IGF2R: variants seen among roughly 807,000 people sequenced by gnomAD.
IGF2R encodes the protein insulin like growth factor 2 receptor.
IGF2R carries 91 observed loss-of-function variants against 270.6 expected under a neutral mutation model. The ratio of observed to expected loss-of-function variants is 0.34; its 90% CI spans 0.28 to 0.40. The LOEUF (loss-of-function observed/expected upper bound fraction) is 0.40, where lower values mean the gene tolerates loss of function less well. Among genes scored for constraint, IGF2R ranks in the 10% least tolerant of loss-of-function variants. IGF2R has a pLI of 1.00. For synonymous variants in IGF2R, 1,316 were observed against 1,258.9 expected (o/e 1.05, Z -0.96); for missense variants, 2,805 against 3,188.3 (o/e 0.88, Z 2.90).
At chr6:160,064,631 C>A in intron 28 of IGF2R, 100 bp downstream of exon 28, 2 of 1,351,614 alleles carry the variant, frequency 1.5e-6, no homozygotes, top group South Asian at 2.5e-5. Flanking sequence ...ATCAAATCTC[C>A]TGGTTAACTG....
At chr6:160,104,598 C>G in intron 47 of IGF2R, 76 bp from the exon 48 acceptor site, 1 of 1,479,518 alleles carries the variant, frequency 6.8e-7, no homozygotes, top group Non-Finnish European at 9.2e-7. Context: ...AGAGAGCATC[C>G]CTGATGTGGT....
chr6:159,977,325 G>A (rs543573213), intron 1 of IGF2R, among the ~76,000 whole-genome samples: 2 of 152,218 alleles, frequency 1.3e-5, no homozygotes, highest in African/African-American at 2.4e-5. Context: ...GTCTCCACCC[G>A]ACCTTGGCTG....
chr6:160,030,972 G>C (rs768185750), intron 7 of IGF2R, among the ~76,000 whole-genome samples: 24 of 152,134 alleles, frequency 1.6e-4, no homozygotes, highest in Non-Finnish European at 3.5e-4. Context: ...CTTCTGAGTA[G>C]CTGGGACTAC....
intron 1 of IGF2R, among the ~76,000 whole-genome samples, chr6:159,971,730 C>T (rs1412408048): frequency 6.6e-6 from 1 of 152,234 alleles, no homozygotes; most frequent in Non-Finnish European, 1.5e-5. Context: ...TCACTACAGT[C>T]GTGAACTCCT....
At chr6:159,994,076 C>T (rs1391689643) in intron 2 of IGF2R, among the ~76,000 whole-genome samples, 1 of 138,226 alleles carries the variant, frequency 7.2e-6, no homozygotes, top group African/African-American at 2.7e-5. Flanking sequence ...GGCTCTCAAT[C>T]TGTCTGGTCC....
At chr6:160,093,664 T>G (rs1779282064) in intron 44 of IGF2R, 2 of 748,790 alleles carry the variant, frequency 2.7e-6, no homozygotes, top group East Asian at 4.9e-5. Context: ...TCCTGCAAAC[T>G]CTGGCTCATT....
intron 2 of IGF2R, among the ~76,000 whole-genome samples, chr6:159,999,460 C>T (rs908357959): frequency 2.0e-5 from 3 of 152,156 alleles, no homozygotes; most frequent in African/African-American, 7.2e-5. Context: ...CCTGTGTACT[C>T]ACTCAGGGCT....
At chr6:159,978,428 G>A (rs1234235619) in intron 1 of IGF2R, among the ~76,000 whole-genome samples, 1 of 152,078 alleles carries the variant, frequency 6.6e-6, no homozygotes, top group Non-Finnish European at 1.5e-5. Context: ...GGGGGCTGTC[G>A]TGGTTCCAGG....
Position 160,073,800 on chromosome 6 carries a change from C to T in IGF2R, c.4991C>T (p.Ser1664Phe). The change falls in exon 35 of 48, where the codon TCT becomes TTT. Residue 1664 changes from serine (S) to phenylalanine (F), a missense_variant. Physicochemically the swap from Ser to Phe is radical, Grantham distance 155 (BLOSUM62 -2). Coordinates refer to ENST00000356956, the MANE Select transcript of IGF2R (RefSeq NM_000876.4). ...AATGGAAGCTCTATTGTTGACTTGTCTCCCCTTATTCATCGCACTGGTGGT... is the reference window on the plus strand; with the variant it reads ...AATGGAAGCTCTATTGTTGACTTGTTTCCCCTTATTCATCGCACTGGTGGT... ...VRNGSSIVDLSPLIHRTGGYE... is the reference protein window; with the variant it reads ...VRNGSSIVDLFPLIHRTGGYE... 1.2e-6 allele frequency: 2 copies of T among 1,614,136 alleles called. No homozygotes were observed. Among genetic ancestry groups the T allele is most frequent in the South Asian group, 1.1e-5 (1 of 91,088 alleles).
intron 29 of IGF2R, among the ~76,000 whole-genome samples, chr6:160,065,984 AC>A (rs1272362361): frequency 7.1e-6 from 1 of 141,508 alleles, no homozygotes; most frequent in Non-Finnish European, 1.5e-5. Flanking sequence ...GATTACAGAC[AC>A]CACCATGCCT....
chr6:159,972,499 T>G (rs928668866), intron 1 of IGF2R, among the ~76,000 whole-genome samples: 3 of 152,214 alleles, frequency 2.0e-5, no homozygotes, highest in African/African-American at 7.2e-5. Context: ...TCTCATTGTC[T>G]CTAAAAGATG....
At chr6:160,078,469 T>G (rs1583295710) in intron 37 of IGF2R, 107 bp downstream of exon 37, 1 of 1,060,520 alleles carries the variant, frequency 9.4e-7, no homozygotes, top group Non-Finnish European at 1.4e-6. Flanking sequence ...GCTGAGAGGG[T>G]GTATGTGGCC....
Position 160,109,848 on chromosome 6 carries a change from A to T in IGF2R, c.*4764A>T, listed in dbSNP as rs1212665016. 3.9e-5 allele frequency: 6 copies of T among 152,142 alleles called. No homozygotes were observed. Among genetic ancestry groups the T allele is most frequent in the African/African-American group, 1.4e-4 (6 of 41,426 alleles). The allele number at this position is 152,142 out of a possible 1,614,324, so 9.4% of individuals were successfully genotyped here. On this transcript the variant is annotated 3_prime_UTR_variant, in exon 48 of 48. Transcript: ENST00000356956. Reference sequence around the variant, plus strand: ...CAGCTCTTCAGGAACAATTAGGGAGAGGGCCCTTGGGTCTAACTGCAAAAT... The same window carrying T: ...CAGCTCTTCAGGAACAATTAGGGAGTGGGCCCTTGGGTCTAACTGCAAAAT...
chr6:160,083,840 G>A (rs1258644612), intron 39 of IGF2R, 110 bp from the exon 40 acceptor site: 2 of 780,014 alleles, frequency 2.6e-6, no homozygotes, highest in Non-Finnish European at 4.3e-6. Context: ...TCTCAGCAAA[G>A]CAATTGTTTA....
At chr6:160,073,154 C>A in intron 33 of IGF2R, 59 bp from the exon 34 acceptor site, 1 of 1,587,844 alleles carries the variant, frequency 6.3e-7, no homozygotes, top group Non-Finnish European at 8.6e-7. Flanking sequence ...AAGTTCTCAT[C>A]AGAAAATTGG....
chr6:159,988,536 A>G (rs1400575785), intron 1 of IGF2R, among the ~76,000 whole-genome samples: 1 of 148,396 alleles, frequency 6.7e-6, no homozygotes, highest in Non-Finnish European at 1.5e-5. Flanking sequence ...AAAAAAAAAA[A>G]GAAAAGCATA....
chr6:160,005,245 G>A (rs1784198703), intron 2 of IGF2R: 1 of 152,456 alleles, frequency 6.6e-6, no homozygotes, highest in Admixed American at 6.5e-5. Context: ...GCGAGTCTTA[G>A]GGGTTCCGGC....
At chr6:160,021,761 G>A (rs1471790832) in intron 4 of IGF2R, among the ~76,000 whole-genome samples, 2 of 151,978 alleles carry the variant, frequency 1.3e-5, no homozygotes, top group African/African-American at 4.8e-5. Flanking sequence ...AAAAAAAAGA[G>A]AACACTTATA....
At position 160,033,167 on chromosome 6, in the gene IGF2R, C is replaced by T. The variant is rs934412120; in HGVS notation, c.1211+60C>T. 7 of 1,279,690 alleles carry T rather than the reference C, an allele frequency of 5.5e-6. No individual in the cohort carries two copies. In the African/African-American group the frequency reaches 7.4e-5, roughly 13 times the overall value. 79.3% of individuals were successfully genotyped at this position (1,279,690 alleles called of 1,614,324 possible). A position where few individuals can be genotyped will look rare whatever the true frequency, so the allele number is the denominator to read the frequency against. On this transcript the variant is annotated intron_variant, in intron 9 of 47. Transcript: ENST00000356956. ...CTTTGTATTTCTTGAGATAGGGTTGCACTCTGGCGCCCAGGCTAGACTGCA... is the reference window on the plus strand; with the variant it reads ...CTTTGTATTTCTTGAGATAGGGTTGTACTCTGGCGCCCAGGCTAGACTGCA...
Sources: gnomAD v4.1 joint callset for allele counts (sites outside exome capture counted in the v4.1 genomes callset) on GRCh38, gnomAD v4.1.1 for gene constraint, MANE v1.5 for transcripts, NCBI Gene and HGNC (gene_info 2026-07-23, HGNC 2026-07-21) for gene names.